Variants in ACSF2 observed in about 807,000 individuals in gnomAD.
ACSF2 encodes medium-chain acyl-CoA ligase ACSF2, mitochondrial.
A neutral mutation model predicts 79.3 loss-of-function variants in ACSF2; 52 were observed. That is an observed-to-expected ratio of 0.66 (90% CI 0.53 to 0.83). ACSF2 has a LOEUF of 0.83. Among genes scored for constraint, ACSF2 ranks in the 40% least tolerant of loss-of-function variants. The probability of loss-of-function intolerance (pLI) is 0.00; values close to 1 mark genes in which losing one functional copy is unlikely to be tolerated. For missense variants in ACSF2, 661 were observed against 803.3 expected (o/e 0.82, Z 2.14); for synonymous variants, 283 against 312.6 (o/e 0.91, Z 1.00).
intron 1 of ACSF2, among the ~76,000 whole-genome samples, chr17:50,437,588 T>A (rs2030536332): frequency 6.6e-6 from 1 of 151,974 alleles, no homozygotes; most frequent in South Asian, 2.1e-4. Context: ...CCTAGAAGTT[T>A]CAGGCTGCAG....
chr17:50,428,570 A>C (rs143177123), intron 1 of ACSF2, among the ~76,000 whole-genome samples: 3 of 152,114 alleles, frequency 2.0e-5, no homozygotes, highest in Admixed American at 6.5e-5. Flanking sequence ...GGATCACTTG[A>C]GGTCAGGAGT....
chr17:50,468,329 A>G, intron 10 of ACSF2: 1 of 1,614,148 alleles, frequency 6.2e-7, no homozygotes, highest in Non-Finnish European at 8.5e-7. Flanking sequence ...GCCTGCGCGC[A>G]GCTCACGGAT....
intron 2 of ACSF2, 147 bp downstream of exon 2, chr17:50,461,019 C>T: frequency 8.6e-7 from 1 of 1,157,114 alleles, no homozygotes; most frequent in East Asian, 2.6e-5. Context: ...GAGAAGGAGA[C>T]AGGACTGACG....
At chr17:50,468,354 G>A (rs1435074431) in intron 10 of ACSF2, 2 of 1,614,206 alleles carry the variant, frequency 1.2e-6, no homozygotes, top group Admixed American at 1.7e-5. Flanking sequence ...TTGTTGTTGA[G>A]CTGCAAGATG....
rs1265622097 is a variant in ACSF2, at chr17:50,463,514, C to T, written c.1008C>T (p.Phe336=). The T allele has an allele frequency of 6.2e-7, 1 of 1,614,170 alleles. No individual in the cohort carries two copies. The highest frequency in any genetic ancestry group is 8.5e-7 in the Non-Finnish European group (1 of 1,180,022). ...GATLILASPI[F]NGKKALEAIS... is the part of the protein sequence containing the mutation. ...CCCTCATCCTGGCCTCTCCCATCTT[C>T]AATGGCAAGAAGGCACTGGAGGCCA... is the stretch of plus-strand genomic sequence containing the variant. Residue 336 remains phenylalanine, a synonymous_variant, in exon 8 of 16, where the codon TTC becomes TTT. Transcript: ENST00000300441. This position sits in a 1 kb window ranked among gnomAD's most constrained non-coding sequence, Gnocchi z 4.6.
rs181183793 is a variant in ACSF2, at chr17:50,473,987, G to T, written c.1711G>T (p.Ala571Ser). ...GEETTVEEIK[A>S]FCKGKISHFK... ...GGAGACCACGGTGGAGGAGATAAAA[G>T]CTTTCTGCAAAGGGAAGGTGGGAGC... Residue 571 changes from alanine to serine, a missense_variant, in exon 14 of 16, where the codon GCT (alanine) becomes TCT (serine). Ala to Ser is a moderately conservative substitution (Grantham distance 99, BLOSUM62 1). Coordinates refer to ENST00000300441, the MANE Select transcript of ACSF2 (RefSeq NM_025149.6). 58 of 1,515,106 alleles carry T rather than the reference G, an allele frequency of 3.8e-5. No individual in the cohort carries two copies. The highest frequency in any genetic ancestry group is 5.1e-5 in the Non-Finnish European group (58 of 1,131,138). 93.9% of individuals were successfully genotyped at this position (1,515,106 alleles called of 1,614,324 possible).
At chr17:50,464,769 T>TGGGGGGGGGGGGGG in intron 10 of ACSF2, 1 of 164,260 alleles carries the variant, frequency 6.1e-6, no homozygotes, top group Non-Finnish European at 1.2e-5. Context: ...CTGATTGACT[T>TGGGGGGGGGGGGGG]GGGGGGGGGG....
intron 10 of ACSF2, chr17:50,464,973 A>C: frequency 1.6e-5 from 6 of 368,496 alleles, no homozygotes; most frequent in East Asian, 6.5e-5. Flanking sequence ...GGGAGAAGGT[A>C]TGGGTGGAGG....
chr17:50,462,639 CT>C (rs2032421133), intron 6 of ACSF2, 54 bp downstream of exon 6: 2 of 1,581,280 alleles, frequency 1.3e-6, no homozygotes, highest in African/African-American at 2.7e-5. Flanking sequence ...CCCCCTGTCC[CT>C]GTGACACTTC....
In ACSF2 at chr17:50,465,285, G is replaced by A. The variant is rs147120120; in HGVS notation, c.1215+991G>A. The A allele has an allele frequency of 4.4e-5, 71 of 1,614,008 alleles. 1 individual carries two copies. The East Asian group carries it at 1.5e-3, about 35-fold the overall frequency. On this transcript the variant is annotated intron_variant, in intron 10 of 15. Transcript: ENST00000300441. ...AGGGACATAGGGGACCTGTTTACCTGGCCCCCACCTGTTTAATGGCGGCCA... is the reference window on the plus strand; with the variant it reads ...AGGGACATAGGGGACCTGTTTACCTAGCCCCCACCTGTTTAATGGCGGCCA...
At chr17:50,427,651 T>C (rs1915122372) in intron 1 of ACSF2, among the ~76,000 whole-genome samples, 1 of 152,188 alleles carries the variant, frequency 6.6e-6, no homozygotes, top group Non-Finnish European at 1.5e-5. Flanking sequence ...AGTGTACATA[T>C]TTTATCACAC....
intron 1 of ACSF2, among the ~76,000 whole-genome samples, chr17:50,432,232 T>C (rs2029991624): frequency 6.6e-6 from 1 of 152,114 alleles, no homozygotes. Context: ...AATAGTGCAT[T>C]GTGAGGGTTA....
At chr17:50,442,390 T>G (rs1301069698) in intron 1 of ACSF2, among the ~76,000 whole-genome samples, 2 of 150,016 alleles carry the variant, frequency 1.3e-5, no homozygotes, top group East Asian at 3.9e-4. Context: ...CTCAAACTCC[T>G]GGAATCAAGT....
intron 1 of ACSF2, among the ~76,000 whole-genome samples, chr17:50,451,108 T>A (rs1784838731): frequency 1.3e-5 from 2 of 152,146 alleles, no homozygotes; most frequent in Non-Finnish European, 2.9e-5. Flanking sequence ...AGCTAACTTT[T>A]AAATTTTTTT....
At chr17:50,453,761 T>TTG (rs147831399) in intron 1 of ACSF2, among the ~76,000 whole-genome samples, 89 of 150,514 alleles carry the variant, frequency 5.9e-4, no homozygotes, top group African/African-American at 1.5e-3. Flanking sequence ...TGTTTTGGGT[T>TTG]TGTGTGTGTG....
chr17:50,460,407 C>T (rs1220035474), intron 1 of ACSF2: 23 of 504,488 alleles, frequency 4.6e-5, no homozygotes, highest in South Asian at 2.3e-4. Flanking sequence ...CCAGGCTTCA[C>T]TATGGCATCT....
chr17:50,474,520 C>G lies in ACSF2; in HGVS notation c.1816C>G (p.Arg606Gly). 1 of 1,614,210 alleles carries G rather than the reference C, an allele frequency of 6.2e-7. No homozygotes were observed. The highest frequency in any genetic ancestry group is 8.5e-7 in the Non-Finnish European group (1 of 1,180,044). ...ISGKIQKFKLREQMERHLNL is the reference protein window; with the variant it reads ...ISGKIQKFKLGEQMERHLNL Reference sequence around the variant, plus strand: ...CCTCTAGATCCAGAAATTCAAACTTCGAGAGCAGATGGAACGACATCTAAA... The same window carrying G: ...CCTCTAGATCCAGAAATTCAAACTTGGAGAGCAGATGGAACGACATCTAAA... The change falls in exon 16 of 16, where the codon CGA becomes GGA. Residue 606 changes from arginine to glycine, a missense_variant. Physicochemically the swap from Arg to Gly is moderately radical, Grantham distance 125. Coordinates refer to ENST00000300441, the MANE Select transcript of ACSF2 (RefSeq NM_025149.6). This position sits in a 1 kb window ranked among gnomAD's most constrained non-coding sequence, Gnocchi z 4.2.
At position 50,464,273 on chromosome 17, in the gene ACSF2, G is replaced by A; in HGVS notation, c.1194G>A (p.Lys398=). ...AGTTGATCCGAGCCATCATCAACAAGATAAATATGAAGGACCTGGTGGTGA... is the reference window on the plus strand; with the variant it reads ...AGTTGATCCGAGCCATCATCAACAAAATAAATATGAAGGACCTGGTGGTGA... The part of the protein sequence containing the change: ...PPELIRAIIN[K]INMKDLVVAY... Residue 398 remains lysine (K), a synonymous_variant, in exon 10 of 16, where the codon AAG becomes AAA. Coordinates refer to ENST00000300441, the MANE Select transcript of ACSF2 (RefSeq NM_025149.6). 1 of 1,614,130 alleles carries A rather than the reference G, an allele frequency of 6.2e-7. No individual in the cohort carries two copies. Among genetic ancestry groups the A allele is most frequent in the Non-Finnish European group, 8.5e-7 (1 of 1,180,036 alleles).
At chr17:50,466,030 A>C (rs2231506) in intron 10 of ACSF2, among the ~76,000 whole-genome samples, 36,093 of 147,374 alleles carry the variant, frequency 0.24, 4,818 homozygotes, top group Middle Eastern at 0.32. Flanking sequence ...ATCTCAGATA[A>C]TCCAATCTAC....
Sources: allele counts gnomAD v4.1 joint callset (sites outside exome capture counted in the v4.1 genomes callset), GRCh38; gene constraint gnomAD v4.1.1; non-coding constraint Gnocchi (gnomAD v3.1); transcripts MANE v1.5; gene names NCBI Gene and HGNC (gene_info 2026-07-23, HGNC 2026-07-21).